Variants in DMD observed in about 807,000 individuals in gnomAD.
The protein encoded by DMD is mutant dystrophin.
DMD carries 63 observed loss-of-function variants against 330.1 expected under a neutral mutation model. The observed-to-expected ratio is 0.19, with a 90% CI of 0.16 to 0.24. The LOEUF is 0.24. DMD is among the 10% of genes least tolerant of loss of function. The pLI is 1.00. For missense variants in DMD, 3,344 were observed against 2,684.1 expected, an observed-to-expected ratio of 1.25 and a Z score of -5.43; for synonymous variants, 1,223 against 959.8, an observed-to-expected ratio of 1.27 and a Z score of -5.07.
intron 62 of DMD, among the ~76,000 whole-genome samples, chrX:31,310,533 C>A (rs2055421972): frequency 9.7e-6 from 1 of 102,736 alleles, no homozygotes; most frequent in Non-Finnish European, 2.0e-5. Flanking sequence ...AGAGATTTTT[C>A]TTTTCTTTCT....
chrX:31,721,704 CTCTCTCTCTCTCTCTATATA>C (rs1203875116), intron 52 of DMD, among the ~76,000 whole-genome samples: 20 of 49,820 alleles, frequency 4.0e-4, no homozygotes, highest in Middle Eastern at 8.8e-3. Flanking sequence ...CTCTCTCTCT[CTCTCTCTCTCTCTCTATATA>C]TATATATATA....
intron 1 of DMD, among the ~76,000 whole-genome samples, chrX:33,246,717 G>A (rs1179782763): frequency 1.8e-5 from 2 of 110,305 alleles, no homozygotes; most frequent in Non-Finnish European, 3.8e-5. Flanking sequence ...ATGGAATCTC[G>A]CTCTGTTGCC....
At chrX:32,438,533 C>A (rs914708454) in intron 28 of DMD, 143 bp from the exon 29 acceptor site, 2 of 699,476 alleles carry the variant, frequency 2.9e-6, no homozygotes, top group Non-Finnish European at 4.3e-6. Context: ...TTAAAAACAC[C>A]AAGGAGCATT....
At chrX:33,014,981 A>C (rs1569549625) in intron 2 of DMD, among the ~76,000 whole-genome samples, 2 of 111,531 alleles carry the variant, frequency 1.8e-5, no homozygotes, top group African/African-American at 6.5e-5. Context: ...CCTAAGGTAG[A>C]GAGTAGTGTG....
intron 50 of DMD, among the ~76,000 whole-genome samples, chrX:31,787,992 A>C (rs2091395424): frequency 8.9e-6 from 1 of 112,211 alleles, no homozygotes; most frequent in South Asian, 3.6e-4. Context: ...AAACCATCTC[A>C]AATTCTTTTT....
At chrX:31,239,005 CAA>C (rs2047993605) in intron 63 of DMD, among the ~76,000 whole-genome samples, 2 of 112,180 alleles carry the variant, frequency 1.8e-5, no homozygotes, top group East Asian at 5.5e-4. Context: ...ATTTTTCCTA[CAA>C]AAGTTTTTTG....
At chrX:31,271,531 C>T (rs2051633245) in intron 62 of DMD, among the ~76,000 whole-genome samples, 1 of 111,380 alleles carries the variant, frequency 9.0e-6, no homozygotes, top group African/African-American at 3.3e-5. Context: ...AGGACAAAGA[C>T]AAGGAATGGT....
intron 18 of DMD, among the ~76,000 whole-genome samples, chrX:32,505,449 TA>T (rs1271791546): frequency 1.8e-5 from 2 of 111,665 alleles, no homozygotes; most frequent in Admixed American, 9.5e-5. Flanking sequence ...AATTACAAAT[TA>T]AACAATGAGA....
chrX:32,886,322 G>A (rs2084559472), intron 2 of DMD, among the ~76,000 whole-genome samples: 1 of 109,092 alleles, frequency 9.2e-6, no homozygotes, highest in African/African-American at 3.3e-5. Context: ...GTGTAAACTG[G>A]TAAAAAATAA....
intron 74 of DMD, among the ~76,000 whole-genome samples, chrX:31,160,974 A>C (rs1000376363): frequency 1.8e-5 from 2 of 111,614 alleles, no homozygotes; most frequent in African/African-American, 6.5e-5. Context: ...GTTTGAATAC[A>C]GGTCCTATTA....
intron 54 of DMD, among the ~76,000 whole-genome samples, chrX:31,657,123 G>T (rs1380546389): frequency 9.0e-6 from 1 of 111,504 alleles, no homozygotes; most frequent in Non-Finnish European, 1.9e-5. Context: ...TTCAGTAATT[G>T]ATGTCATATT....
chrX:31,923,938 AT>A (rs1232069322), intron 47 of DMD, among the ~76,000 whole-genome samples: 5 of 112,088 alleles, frequency 4.5e-5, no homozygotes, highest in Non-Finnish European at 9.4e-5. Context: ...GATTTATAAA[AT>A]TAAAAACTGT....
At chrX:31,951,159 G>GTATATATATATATA (rs747836033) in intron 45 of DMD, among the ~76,000 whole-genome samples, 1 of 71,714 alleles carries the variant, frequency 1.4e-5, no homozygotes, top group African/African-American at 5.6e-5. Flanking sequence ...ATATATATAT[G>GTATATATATATATA]TATATATATA....
At chrX:32,142,847 T>A (rs1388879847) in intron 44 of DMD, among the ~76,000 whole-genome samples, 1 of 112,075 alleles carries the variant, frequency 8.9e-6, no homozygotes, top group Non-Finnish European at 1.9e-5. Flanking sequence ...ACTAGCATCG[T>A]CATAATTGAA....
chrX:32,878,182 T>C (rs1351159929), intron 2 of DMD, among the ~76,000 whole-genome samples: 2 of 111,537 alleles, frequency 1.8e-5, no homozygotes, highest in African/African-American at 3.3e-5. Flanking sequence ...AAGACCATCC[T>C]GGCTAACACG....
chrX:31,303,144 C>CT (rs1274534409), intron 62 of DMD, among the ~76,000 whole-genome samples: 2 of 111,350 alleles, frequency 1.8e-5, no homozygotes, highest in Non-Finnish European at 3.8e-5. Flanking sequence ...AAAAATTAGT[C>CT]TTTTTTATTT....
chrX:32,085,404 C>T (rs928232526), intron 44 of DMD, among the ~76,000 whole-genome samples: 3 of 108,910 alleles, frequency 2.8e-5, no homozygotes, highest in Non-Finnish European at 5.7e-5. Flanking sequence ...AAATTATGTA[C>T]ATTGTAGCCA....
chrX:32,555,632 C>A (rs1219588421), intron 16 of DMD, among the ~76,000 whole-genome samples: 2 of 111,570 alleles, frequency 1.8e-5, no homozygotes, highest in African/African-American at 3.3e-5. Flanking sequence ...AGAACAGACA[C>A]ATAGACCAAT....
intron 76 of DMD, among the ~76,000 whole-genome samples, chrX:31,138,648 AG>A (rs1569323570): frequency 2.6e-5 from 2 of 76,465 alleles, no homozygotes; most frequent in Non-Finnish European, 5.0e-5. Context: ...AGAGAGAGAG[AG>A]AGAGAGAGAG....
Sources: allele counts gnomAD v4.1 joint callset (sites outside exome capture counted in the v4.1 genomes callset), GRCh38; gene constraint gnomAD v4.1.1; transcripts MANE v1.5; gene names NCBI Gene and HGNC (gene_info 2026-07-23, HGNC 2026-07-21).